EIF5: variants seen among roughly 807,000 people sequenced by gnomAD.
EIF5 encodes the protein eukaryotic translation initiation factor 5.
Under a neutral mutation model 48.3 loss-of-function variants are expected in EIF5, and 10 were observed. That is an observed-to-expected ratio of 0.21 (90% CI 0.13 to 0.35). EIF5 has a LOEUF of 0.35. Ranked by LOEUF, EIF5 falls within the 10% of genes least tolerant of loss-of-function variation. The probability of loss-of-function intolerance (pLI) is 1.00; values close to 1 mark genes in which losing one functional copy is unlikely to be tolerated. For synonymous variants in EIF5, 237 were observed against 173.1 expected (o/e 1.37, Z -2.90); for missense variants, 397 against 533.2 (o/e 0.74, Z 2.51).
intron 2 of EIF5, chr14:103,335,102 G>A: frequency 6.6e-6 from 1 of 152,314 alleles, no homozygotes; most frequent in East Asian, 1.9e-4. Context: ...AGGGAGGCCG[G>A]GGCGAGCCTG....
chr14:103,334,692 C>A (rs1192695480), intron 2 of EIF5, 95 bp downstream of exon 2: 1 of 142,414 alleles, frequency 7.0e-6, no homozygotes. Context: ...GCAGTTTGGG[C>A]GGACGGCGGG....
At position 103,337,383 on chromosome 14, in the gene EIF5, T is replaced by C. The variant is rs529553371; in HGVS notation, c.439+156T>C. The C allele has an allele frequency of 2.3e-5, 14 of 616,016 alleles. No individual in the cohort carries two copies. The African/African-American group carries it at 2.6e-4, about 12-fold the overall frequency. 38.2% of individuals were successfully genotyped at this position (616,016 alleles called of 1,614,324 possible). A position where few individuals can be genotyped will look rare whatever the true frequency, so the allele number is the denominator to read the frequency against. On this transcript the variant is annotated intron_variant, in intron 6 of 11. Transcript: ENST00000216554. Reference sequence around the variant, plus strand: ...ATTTTGGGAGGCCAGGGCGGGCACATCACTTGAGGCCAGGAGTTCAAGACC... The same window carrying C: ...ATTTTGGGAGGCCAGGGCGGGCACACCACTTGAGGCCAGGAGTTCAAGACC...
In EIF5 at chr14:103,339,666, C is replaced by T. The variant is rs1479958134; in HGVS notation, c.934C>T (p.Arg312Trp). Residue 312 changes from arginine to tryptophan, a missense_variant, in exon 10 of 12, where the codon CGG (arginine) becomes TGG (tryptophan). By Grantham distance (101) the Arg-to-Trp change is moderately radical. Around this residue, in one of 4 missense-constraint regions of EIF5, gnomAD observed 160 missense variants for 184.8 expected, o/e 0.87. Coordinates refer to ENST00000216554, the MANE Select transcript of EIF5 (RefSeq NM_001969.5). ...TTGTCACAACAACAAAAAAGCCCAA[C>T]GGTACCTTCTTCATGGTTTGGAGTG... ...RFCHNNKKAQ[R>W]YLLHGLECVV... 3.7e-6 allele frequency: 6 copies of T among 1,614,052 alleles called. No individual in the cohort carries two copies. Among genetic ancestry groups the T allele is most frequent in the East Asian group, 4.5e-5 (2 of 44,890 alleles).
intron 8 of EIF5, 139 bp from the exon 9 acceptor site, chr14:103,339,033 C>A (rs116234673): frequency 6.8e-7 from 1 of 1,464,940 alleles, no homozygotes; most frequent in South Asian, 1.4e-5. Flanking sequence ...ATATTTTTTG[C>A]GCGTGATTCC....
Position 103,341,781 on chromosome 14 carries a change from A to G in EIF5, c.*729A>G, listed in dbSNP as rs1454327281. 6.6e-6 allele frequency: 1 copy of G among 152,604 alleles called. No homozygotes were observed. The highest frequency in any genetic ancestry group is 6.5e-5 in the Admixed American group (1 of 15,286). 9.5% of individuals were successfully genotyped at this position (152,604 alleles called of 1,614,324 possible). On this transcript the variant is annotated 3_prime_UTR_variant, in exon 12 of 12. Coordinates refer to ENST00000216554, the MANE Select transcript of EIF5 (RefSeq NM_001969.5). ...GTGTGCATTGCACGTTGGATGAGCCAGGGAAATTATTACATTAACAAGCAT... is the reference window on the plus strand; with the variant it reads ...GTGTGCATTGCACGTTGGATGAGCCGGGGAAATTATTACATTAACAAGCAT...
rs528783866 is a variant in EIF5, at chr14:103,344,460, C to G, written c.*3408C>G. 6.6e-6 allele frequency: 1 copy of G among 152,194 alleles called. No homozygotes were observed. The highest frequency in any genetic ancestry group is 1.5e-5 in the Non-Finnish European group (1 of 68,054). The allele number at this position is 152,194 out of a possible 1,614,324, so 9.4% of individuals were successfully genotyped here. ...AGTTCGGTTATGCAGTCAATTATTT[C>G]TTTTTAAGAGGAGGAGGATTCACTT... On this transcript the variant is annotated 3_prime_UTR_variant, in exon 12 of 12. Transcript: ENST00000216554.
chr14:103,339,164 C>T lies in EIF5; in HGVS notation c.745-8C>T, dbSNP rs115589341. ...CATTGCACTGAATTGTTTTCCTTTT[C>T]TTTGCAGAAAAAGAAAGAAGAGGGT... On this transcript the variant is annotated splice_region_variant and splice_polypyrimidine_tract_variant and intron_variant, in intron 8 of 11. Coordinates refer to ENST00000216554, the MANE Select transcript of EIF5 (RefSeq NM_001969.5). The T allele has an allele frequency of 1.5e-3, 2,358 of 1,600,060 alleles. 24 individuals are homozygous for T. In the African/African-American group the frequency reaches 0.025, roughly 17 times the overall value.
rs758482988 is a variant in EIF5, at chr14:103,339,593, T to A, written c.907-46T>A. 18 of 1,610,600 alleles carry A rather than the reference T, an allele frequency of 1.1e-5. No homozygotes were observed. In the South Asian group the frequency reaches 2.0e-4, roughly 18 times the overall value. Reference sequence around the variant, plus strand: ...TATTTGGGTAATAGAGTTGTCAACTTAGAACACATAAAAAAGATTGTTAAC... The same window carrying A: ...TATTTGGGTAATAGAGTTGTCAACTAAGAACACATAAAAAAGATTGTTAAC... On this transcript the variant is annotated intron_variant, in intron 9 of 11. Coordinates refer to ENST00000216554, the MANE Select transcript of EIF5 (RefSeq NM_001969.5).
intron 9 of EIF5, 127 bp from the exon 10 acceptor site, chr14:103,339,512 T>C: frequency 2.1e-6 from 3 of 1,455,572 alleles, no homozygotes; most frequent in Admixed American, 1.9e-5. Flanking sequence ...CAGGGATGTT[T>C]ATGCATTGAC....
At chr14:103,336,870 C>A in intron 5 of EIF5, 21 bp downstream of exon 5, 2 of 1,598,674 alleles carry the variant, frequency 1.3e-6, no homozygotes, top group South Asian at 2.3e-5. Context: ...TTGTGGTTGT[C>A]GAAAGAAAAA....
chr14:103,336,482 G>T, intron 4 of EIF5, 195 bp from the exon 5 acceptor site: 1 of 601,510 alleles, frequency 1.7e-6, no homozygotes, highest in South Asian at 2.3e-5. Context: ...TTGGGAGGCT[G>T]AAGGGGGAGA....
chr14:103,336,541 G>C, intron 4 of EIF5, 136 bp from the exon 5 acceptor site: 1 of 938,678 alleles, frequency 1.1e-6, no homozygotes, highest in Non-Finnish European at 1.5e-6. Context: ...AGACCACGCC[G>C]TTGCACTCCA....
At chr14:103,337,408 C>T (rs2089300061) in intron 6 of EIF5, 181 bp downstream of exon 6, 1 of 567,556 alleles carries the variant, frequency 1.8e-6, no homozygotes, top group Admixed American at 3.6e-5. Context: ...AGTTCAAGAC[C>T]AGCCTGGCCA....
In EIF5 at chr14:103,339,640, T is replaced by C; in HGVS notation, c.908T>C (p.Phe303Ser). Residue 303 changes from phenylalanine to serine, a missense_variant and splice_region_variant, in exon 10 of 12, where the codon TTT (phenylalanine) becomes TCT (serine). Transcript: ENST00000216554. The part of the protein sequence containing the change: ...IKKYRRHFLR[F>S]CHNNKKAQRY... ...TAACACCAAGGTGTCTATTTGCAGT[T>C]TTGTCACAACAACAAAAAAGCCCAA... The C allele has an allele frequency of 6.2e-7, 1 of 1,614,126 alleles. No individual in the cohort carries two copies. The highest frequency in any genetic ancestry group is 8.5e-7 in the Non-Finnish European group (1 of 1,180,002).
intron 10 of EIF5, 34 bp downstream of exon 10, chr14:103,339,837 C>T (rs958203871): frequency 2.5e-6 from 4 of 1,598,846 alleles, no homozygotes; most frequent in South Asian, 1.1e-5. Context: ...TTAAAGTTCA[C>T]AGGTTTTGGG....
At chr14:103,339,605 A>G in intron 9 of EIF5, 34 bp from the exon 10 acceptor site, 1 of 1,609,902 alleles carries the variant, frequency 6.2e-7, no homozygotes, top group East Asian at 2.3e-5. Context: ...GAACACATAA[A>G]AAAGATTGTT....
intron 6 of EIF5, chr14:103,338,052 C>T: frequency 1.7e-6 from 1 of 586,048 alleles, no homozygotes; most frequent in Non-Finnish European, 3.2e-6. Context: ...AGGGCCACCT[C>T]TCCCTAGTGG....
chr14:103,341,235 C>G lies in EIF5; in HGVS notation c.*183C>G. ...CAATGAGACATCTAGGGAGTCCATA[C>G]ACATCAGTGAGCAGATGTAGTTTGC... On this transcript the variant is annotated 3_prime_UTR_variant, in exon 12 of 12. Transcript: ENST00000216554. 1 of 565,826 alleles carries G rather than the reference C, an allele frequency of 1.8e-6. No homozygotes were observed. Among genetic ancestry groups the G allele is most frequent in the South Asian group, 2.2e-5 (1 of 46,386 alleles). The allele number at this position is 565,826 out of a possible 1,614,324, so 35.1% of individuals were successfully genotyped here.
At chr14:103,339,598 C>T (rs377592907) in intron 9 of EIF5, 41 bp from the exon 10 acceptor site, 4 of 1,610,074 alleles carry the variant, frequency 2.5e-6, no homozygotes, top group Non-Finnish European at 3.4e-6. Context: ...CAACTTAGAA[C>T]ACATAAAAAA....
Sources: allele counts gnomAD v4.1 joint callset, GRCh38; gene constraint gnomAD v4.1.1; regional missense constraint gnomAD v4.1.1; transcripts MANE v1.5; gene names NCBI Gene and HGNC (gene_info 2026-07-23, HGNC 2026-07-21).